RYR3: variants seen among roughly 807,000 people sequenced by gnomAD.
RYR3 encodes ryanodine receptor 3.
In RYR3, 207 loss-of-function variants were observed where a neutral mutation model predicts 584.3. That is an observed-to-expected ratio of 0.35 (90% CI 0.32 to 0.40). The LOEUF (loss-of-function observed/expected upper bound fraction) is 0.40, where lower values mean the gene tolerates loss of function less well. RYR3 is among the 10% of genes least tolerant of loss of function. The pLI, the probability that RYR3 is intolerant of heterozygous loss-of-function variation, is 1.00. For synonymous variants in RYR3, 2,416 were observed against 2,248.5 expected (o/e 1.07, Z -2.11); for missense variants, 5,616 against 6,089.2 (o/e 0.92, Z 2.59).
chr15:33,744,300 C>T (rs970458150), intron 52 of RYR3, among the ~76,000 whole-genome samples: 8 of 151,492 alleles, frequency 5.3e-5, no homozygotes, highest in African/African-American at 1.7e-4. Context: ...AACAGTTAAA[C>T]ATCTACACAT....
At position 33,844,910 on chromosome 15, in the gene RYR3, T is replaced by A; in HGVS notation, c.13345T>A (p.Trp4449Arg). 1 of 1,613,906 alleles carries A rather than the reference T, an allele frequency of 6.2e-7. No homozygotes were observed. The stretch of plus-strand genomic sequence containing the variant: ...AGAGACAGAGGATGTTGCAAACCTA[T>A]GGAATTCCTTTAATGACGAGGAAGA... ...EEETEDVANLWNSFNDEEEEE... is the reference protein window; with the variant it reads ...EEETEDVANLRNSFNDEEEEE... Residue 4449 changes from tryptophan to arginine, a missense_variant, in exon 93 of 104, where the codon TGG becomes AGG. Coordinates refer to ENST00000634891, the MANE Select transcript of RYR3 (RefSeq NM_001036.6).
chr15:33,316,041 A>T (rs1160672970), intron 1 of RYR3, among the ~76,000 whole-genome samples: 2 of 152,212 alleles, frequency 1.3e-5, no homozygotes, highest in Non-Finnish European at 2.9e-5. Flanking sequence ...GTTAAATAAC[A>T]TATTTCACAA....
At position 33,860,656 on chromosome 15, in the gene RYR3, G is replaced by A; in HGVS notation, c.14361G>A (p.Met4787Ile). The A allele has an allele frequency of 1.3e-6, 2 of 1,586,280 alleles. No individual in the cohort carries two copies. Among genetic ancestry groups the A allele is most frequent in the East Asian group, 2.3e-5 (1 of 44,408 alleles). The change falls in exon 101 of 104, where the codon ATG becomes ATA. Residue 4787 changes from methionine to isoleucine, a missense_variant. Physicochemically the swap from Met to Ile is conservative, Grantham distance 10. This residue lies in a region of RYR3 where 918 missense variants were observed against 887.4 expected (regional missense o/e 1.03). Coordinates refer to ENST00000634891, the MANE Select transcript of RYR3 (RefSeq NM_001036.6). ...AGCAGGAACAAGTACGAGAAGATAT[G>A]GAGGTAATGTTACTCTAACTACTAA... ...RDQQEQVRED[M>I]ETKCFICGIG...
intron 29 of RYR3, 29 bp from the exon 30 acceptor site, chr15:33,647,395 A>T: frequency 6.3e-7 from 1 of 1,589,212 alleles, no homozygotes; most frequent in Non-Finnish European, 8.6e-7. Flanking sequence ...ACAGCTGAAT[A>T]ACTAAAACAT....
intron 67 of RYR3, among the ~76,000 whole-genome samples, chr15:33,791,486 A>G (rs1250614685): frequency 6.6e-6 from 1 of 152,132 alleles, no homozygotes; most frequent in Non-Finnish European, 1.5e-5. Context: ...TCAGTTGGGA[A>G]TGAAGATGGG....
chr15:33,701,614 T>C (rs1250860899), intron 42 of RYR3, among the ~76,000 whole-genome samples: 2 of 151,826 alleles, frequency 1.3e-5, no homozygotes, highest in Non-Finnish European at 2.9e-5. Context: ...ATTCACAGTG[T>C]GACCTTCTGA....
At position 33,414,394 on chromosome 15, in the gene RYR3, T is replaced by C. The variant is rs188151607; in HGVS notation, c.52-59025T>C. Among the ~76,000 whole-genome samples the C allele has an allele frequency of 3.3e-5, 5 of 152,288 alleles. No individual in the cohort carries two copies. The East Asian group carries it at 7.7e-4, about 24-fold the overall frequency. ...CTGGAGACCAAAGAGAAAAAAAGAC[T>C]GTGCTGACCCACAGTATGTAAGATA... On this transcript the variant is annotated intron_variant, in intron 1 of 103. Transcript: ENST00000634891.
chr15:33,499,521 T>A (rs2051763010), intron 2 of RYR3, among the ~76,000 whole-genome samples: 1 of 152,192 alleles, frequency 6.6e-6, no homozygotes, highest in South Asian at 2.1e-4. Context: ...AATAAGAACT[T>A]CAAAAATATA....
At chr15:33,659,854 A>G (rs2063043385) in intron 33 of RYR3, 48 bp downstream of exon 33, 3 of 1,283,202 alleles carry the variant, frequency 2.3e-6, no homozygotes, top group African/African-American at 2.9e-5. Context: ...AGAAAGCAGC[A>G]CTAACCATTA....
At chr15:33,639,330 A>AATTGGAAAGCTCTTTC (rs1356753652) in intron 27 of RYR3, among the ~76,000 whole-genome samples, 1 of 152,178 alleles carries the variant, frequency 6.6e-6, no homozygotes, top group Non-Finnish European at 1.5e-5. Context: ...GAGACAAGAT[A>AATTGGAAAGCTCTTTC]ATTGGAAAGC....
At chr15:33,839,882 A>G (rs1418239075) in intron 89 of RYR3, 1 of 152,202 alleles carries the variant, frequency 6.6e-6, no homozygotes, top group East Asian at 1.9e-4. Flanking sequence ...TTGCTCCCTG[A>G]TGTAGCCCCA....
intron 1 of RYR3, among the ~76,000 whole-genome samples, chr15:33,461,978 G>A (rs1228222836): frequency 6.6e-6 from 1 of 152,084 alleles, no homozygotes; most frequent in South Asian, 2.1e-4. Context: ...GCATGATTTA[G>A]TTCTGAATGG....
At chr15:33,664,285 T>G (rs369387721) in intron 36 of RYR3, among the ~76,000 whole-genome samples, 1 of 152,232 alleles carries the variant, frequency 6.6e-6, no homozygotes, top group South Asian at 2.1e-4. Flanking sequence ...TGATTTGTTG[T>G]ATTCATTCTT....
chr15:33,329,508 G>T (rs7495688), intron 1 of RYR3, among the ~76,000 whole-genome samples: 1 of 152,156 alleles, frequency 6.6e-6, no homozygotes, highest in Admixed American at 6.5e-5. Context: ...GAGACAAAAA[G>T]AAATTGATGT....
In RYR3 at chr15:33,726,475, C is replaced by T; in HGVS notation, c.7002C>T (p.Ser2334=). 6.2e-7 allele frequency: 1 copy of T among 1,604,066 alleles called. No individual in the cohort carries two copies. Among genetic ancestry groups the T allele is most frequent in the Non-Finnish European group, 8.5e-7 (1 of 1,175,126 alleles). ...CAGAAGACCTGGTTGGGATCATCAG[C>T]ATCCCCTTGAAACTGCCCTCCCTCA... is the stretch of plus-strand genomic sequence containing the variant. ...VPTEDLVGII[S]IPLKLPSLNK... The change falls in exon 46 of 104, where the codon AGC becomes AGT. Residue 2334 remains serine, a synonymous_variant. Coordinates refer to ENST00000634891, the MANE Select transcript of RYR3 (RefSeq NM_001036.6).
chr15:33,775,549 A>C (rs958734241), intron 64 of RYR3, among the ~76,000 whole-genome samples: 1 of 152,194 alleles, frequency 6.6e-6, no homozygotes, highest in African/African-American at 2.4e-5. Flanking sequence ...GGTGAAACTC[A>C]GTGCATCCTA....
chr15:33,614,803 G>GT (rs890664986), intron 19 of RYR3, among the ~76,000 whole-genome samples: 1 of 151,494 alleles, frequency 6.6e-6, no homozygotes, highest in Admixed American at 6.6e-5. Context: ...TTTTCCTATT[G>GT]TTTTTTGTTT....
chr15:33,811,873 G>T (rs374889886), intron 72 of RYR3, among the ~76,000 whole-genome samples: 53 of 152,208 alleles, frequency 3.5e-4, no homozygotes, highest in African/African-American at 1.1e-3. Context: ...ATGTTTTAAA[G>T]CCTGTGAATC....
At chr15:33,372,215 AG>A (rs1028550634) in intron 1 of RYR3, among the ~76,000 whole-genome samples, 2 of 152,184 alleles carry the variant, frequency 1.3e-5, no homozygotes, top group Non-Finnish European at 2.9e-5. Context: ...ATTTTGAGAC[AG>A]GGCCTTGCTC....
Sources: gnomAD v4.1 joint callset for allele counts (sites outside exome capture counted in the v4.1 genomes callset) on GRCh38, gnomAD v4.1.1 for gene constraint, gnomAD v4.1.1 regional missense constraint, MANE v1.5 for transcripts, NCBI Gene and HGNC (gene_info 2026-07-23, HGNC 2026-07-21) for gene names.